Variants in SDK2 observed in about 807,000 individuals in gnomAD.
The protein encoded by SDK2 is protein sidekick-2.
SDK2 carries 105 observed loss-of-function variants against 253.9 expected under a neutral mutation model. The observed-to-expected ratio is 0.41, with a 90% CI of 0.35 to 0.49. The LOEUF is 0.49. Among genes scored for constraint, SDK2 ranks in the 20% least tolerant of loss-of-function variants. SDK2 has a pLI of 0.06. For synonymous variants in SDK2, 1,249 were observed against 1,234.9 expected, an observed-to-expected ratio of 1.01 and a Z score of -0.24; for missense variants, 2,608 against 3,003.0, an observed-to-expected ratio of 0.87 and a Z score of 3.07.
At chr17:73,582,258 CCACGCAGG>C (rs2045545662) in intron 1 of SDK2, among the ~76,000 whole-genome samples, 2 of 149,878 alleles carry the variant, frequency 1.3e-5, no homozygotes, top group African/African-American at 4.9e-5. Context: ...GGGGCGCACA[CCACGCAGG>C]CATCAGCATT....
chr17:73,479,851 C>T (rs1362241719), intron 2 of SDK2, among the ~76,000 whole-genome samples: 2 of 152,138 alleles, frequency 1.3e-5, no homozygotes, highest in Non-Finnish European at 2.9e-5. Context: ...CCCCCATGCC[C>T]GGCTAATTTT....
rs1368404505 is a variant in SDK2 at position 73,424,092 on chromosome 17, C to T, written c.1584G>A (p.Arg528=). 1 of 1,610,132 alleles carries T rather than the reference C, an allele frequency of 6.2e-7. No homozygotes were observed. The highest frequency in any genetic ancestry group is 8.5e-7 in the Non-Finnish European group (1 of 1,178,864). ...GVTHDPRVTI[R]YIWEKDGATL... is the part of the protein sequence containing the mutation. Reference sequence around the variant, plus strand: ...TGGCCCCGTCCTTCTCCCAGATGTACCTAAAAGTAAGAAGAACCCGTAAGT... The same window carrying T: ...TGGCCCCGTCCTTCTCCCAGATGTATCTAAAAGTAAGAAGAACCCGTAAGT... The change falls in exon 13 of 45, where the codon AGG becomes AGA. Residue 528 remains arginine (R), a splice_region_variant and synonymous_variant. Transcript: ENST00000392650.
At chr17:73,437,930 T>G in intron 7 of SDK2, 34 bp downstream of exon 7, 2 of 1,570,340 alleles carry the variant, frequency 1.3e-6, no homozygotes, top group Non-Finnish European at 1.7e-6. Context: ...CCCCTACCCC[T>G]CAGGGGAGCC....
chr17:73,418,729 A>T (rs1568393888), intron 16 of SDK2, among the ~76,000 whole-genome samples: 1 of 152,204 alleles, frequency 6.6e-6, no homozygotes, highest in Non-Finnish European at 1.5e-5. Context: ...GGGTCTGTAT[A>T]ACTGGGCTTC....
chr17:73,478,218 T>C (rs2063699016), intron 2 of SDK2, among the ~76,000 whole-genome samples: 2 of 152,202 alleles, frequency 1.3e-5, no homozygotes, highest in South Asian at 4.1e-4. Context: ...TGGCCTCCTG[T>C]AGGCACTGTT....
chr17:73,478,760 C>T (rs2063703064), intron 2 of SDK2, among the ~76,000 whole-genome samples: 1 of 152,226 alleles, frequency 6.6e-6, no homozygotes, highest in Admixed American at 6.5e-5. Flanking sequence ...GATTCTTACT[C>T]GCATTAAATA....
At chr17:73,408,396 T>A (rs1259488827) in intron 18 of SDK2, among the ~76,000 whole-genome samples, 2 of 4,178 alleles carry the variant, frequency 4.8e-4, no homozygotes, top group East Asian at 4.8e-3. Context: ...TTTTTTTTTT[T>A]AATATTTTTA....
intron 1 of SDK2, among the ~76,000 whole-genome samples, chr17:73,577,318 G>T (rs1212401667): frequency 6.6e-6 from 1 of 152,220 alleles, no homozygotes; most frequent in Admixed American, 6.5e-5. Flanking sequence ...AAAGTTCCAG[G>T]ACCAATCCCA....
chr17:73,365,359 A>T lies in SDK2; in HGVS notation c.5204T>A (p.Leu1735Gln). 1 of 1,612,334 alleles carries T rather than the reference A, an allele frequency of 6.2e-7. No homozygotes were observed. Among genetic ancestry groups the T allele is most frequent in the Non-Finnish European group, 8.5e-7 (1 of 1,179,284 alleles). The change falls in exon 38 of 45, where the codon CTG becomes CAG. Residue 1735 changes from leucine to glutamine, a missense_variant. This residue lies in a region of SDK2 where 1,103 missense variants were observed against 1,143.9 expected (regional missense o/e 0.96). Coordinates refer to ENST00000392650, the MANE Select transcript of SDK2 (RefSeq NM_001144952.2). ...GGACACATTCACTGAGGTTGTGGTC[A>T]GCTCACTGAACTTGACCGAGCTGGG... Reference protein sequence around the residue: ...SAPSSVKFSELTTTSVNVSWE... With the variant: ...SAPSSVKFSEQTTTSVNVSWE...
intron 1 of SDK2, among the ~76,000 whole-genome samples, chr17:73,607,668 A>G (rs1434392066): frequency 1.3e-5 from 2 of 152,234 alleles, no homozygotes; most frequent in African/African-American, 2.4e-5. Flanking sequence ...GCACACCCCA[A>G]GGTTTTCCAG....
intron 1 of SDK2, among the ~76,000 whole-genome samples, chr17:73,538,325 C>T (rs959636690): frequency 6.6e-6 from 1 of 152,138 alleles, no homozygotes; most frequent in Non-Finnish European, 1.5e-5. Flanking sequence ...AGCGGCTCCA[C>T]CAGGCCTCTG....
At position 73,541,931 on chromosome 17, in the gene SDK2, C is replaced by T. The variant is rs540754697; in HGVS notation, c.65-34334G>A. On this transcript the variant is annotated intron_variant, in intron 1 of 44. Coordinates refer to ENST00000392650, the MANE Select transcript of SDK2 (RefSeq NM_001144952.2). This position sits in a 1 kb window ranked among gnomAD's most constrained non-coding sequence, Gnocchi z 4.3. Reference sequence around the variant, plus strand: ...TTGCCTGTGTGCCCTGAGGAGAGCCCCAAACCTCTCTGAGCCTGCCTCTTC... The same window carrying T: ...TTGCCTGTGTGCCCTGAGGAGAGCCTCAAACCTCTCTGAGCCTGCCTCTTC... Among the ~76,000 whole-genome samples the T allele has an allele frequency of 9.8e-5, 15 of 152,306 alleles. No individual in the cohort carries two copies. The South Asian group carries it at 2.5e-3, about 25-fold the overall frequency.
At chr17:73,626,537 C>G (rs930102709) in intron 1 of SDK2, among the ~76,000 whole-genome samples, 13 of 152,340 alleles carry the variant, frequency 8.5e-5, no homozygotes, top group Middle Eastern at 3.4e-3. Context: ...CAAGTTCCAG[C>G]TCAGACAAGA....
rs758738976 is a variant in SDK2, at chr17:73,431,086, G to A, written c.1480+416C>T. Among the ~76,000 whole-genome samples, 3 of 152,196 alleles carry A rather than the reference G, an allele frequency of 2.0e-5. No individual in the cohort carries two copies. Among genetic ancestry groups the A allele is most frequent in the Admixed American group, 1.3e-4 (2 of 15,282 alleles). On this transcript the variant is annotated intron_variant, in intron 11 of 44. Transcript: ENST00000392650. This position sits in a 1 kb window ranked among gnomAD's most constrained non-coding sequence, Gnocchi z 5.6. The stretch of plus-strand genomic sequence containing the variant: ...TAAACCCTTACTGGAACATAGCCAC[G>A]CCCATTGGATGACATACCGTCTGTG...
At chr17:73,463,786 T>C (rs75718382) in intron 3 of SDK2, among the ~76,000 whole-genome samples, 3,841 of 152,328 alleles carry the variant, frequency 0.025, 169 homozygotes, top group African/African-American at 0.086. Flanking sequence ...GATGGAATTC[T>C]GTGGATCACG....
intron 1 of SDK2, among the ~76,000 whole-genome samples, chr17:73,598,768 T>G (rs768728280): frequency 2.6e-5 from 4 of 152,078 alleles, no homozygotes. Context: ...CAGGGGAAGG[T>G]GGGAGAGGCA....
At chr17:73,574,615 C>T (rs2045433171) in intron 1 of SDK2, among the ~76,000 whole-genome samples, 1 of 152,194 alleles carries the variant, frequency 6.6e-6, no homozygotes, top group Non-Finnish European at 1.5e-5. Context: ...AGCCAGGAGA[C>T]AAGGTCCTCT....
intron 31 of SDK2, among the ~76,000 whole-genome samples, chr17:73,386,225 G>A (rs921877748): frequency 3.3e-5 from 5 of 152,216 alleles, no homozygotes; most frequent in African/African-American, 1.2e-4. Context: ...TGTGGGACAG[G>A]AGGAATACGC....
At chr17:73,427,285 A>C (rs1004036240) in intron 12 of SDK2, among the ~76,000 whole-genome samples, 1 of 152,232 alleles carries the variant, frequency 6.6e-6, no homozygotes, top group Non-Finnish European at 1.5e-5. Context: ...GTGAGACAGC[A>C]GCCAGGCCAA....
Sources: gnomAD v4.1 joint callset for allele counts (sites outside exome capture counted in the v4.1 genomes callset) on GRCh38, gnomAD v4.1.1 for gene constraint, gnomAD v4.1.1 regional missense constraint, Gnocchi (gnomAD v3.1) non-coding constraint, MANE v1.5 for transcripts, NCBI Gene and HGNC (gene_info 2026-07-23, HGNC 2026-07-21) for gene names.